The following NECTIN3 variants were observed in gnomAD, a reference collection of about 807,000 sequenced individuals.
NECTIN3 encodes the protein nectin cell adhesion molecule 3.
A neutral mutation model predicts 49.4 loss-of-function variants in NECTIN3; 8 were observed. The observed-to-expected ratio is 0.16, with a 90% CI of 0.10 to 0.29. The LOEUF (loss-of-function observed/expected upper bound fraction) is 0.29, where lower values mean the gene tolerates loss of function less well. Ranked by LOEUF, NECTIN3 falls within the 10% of genes least tolerant of loss-of-function variation. NECTIN3 has a pLI of 1.00. For missense variants in NECTIN3, 581 were observed against 654.6 expected, an observed-to-expected ratio of 0.89 and a Z score of 1.23; for synonymous variants, 277 against 241.1, an observed-to-expected ratio of 1.15 and a Z score of -1.38.
At chr3:111,084,137 T>C (rs1221682520) in intron 1 of NECTIN3, among the ~76,000 whole-genome samples, 5 of 151,904 alleles carry the variant, frequency 3.3e-5, no homozygotes, top group African/African-American at 1.2e-4. Flanking sequence ...TTCTACTAAA[T>C]AGGGAAAAGA....
intron 7 of NECTIN3, among the ~76,000 whole-genome samples, chr3:111,168,684 C>T (rs953529737): frequency 1.3e-5 from 2 of 152,158 alleles, no homozygotes; most frequent in Admixed American, 1.3e-4. Flanking sequence ...GGACAATTCA[C>T]AAGCTGCTAT....
intron 2 of NECTIN3, among the ~76,000 whole-genome samples, chr3:111,118,146 T>A (rs1450925449): frequency 6.6e-6 from 1 of 150,740 alleles, no homozygotes; most frequent in Non-Finnish European, 1.5e-5. Flanking sequence ...ATAGGTATGC[T>A]CAGAAGAACT....
chr3:111,080,803 C>G (rs1046685357), intron 1 of NECTIN3, among the ~76,000 whole-genome samples: 4 of 151,976 alleles, frequency 2.6e-5, no homozygotes, highest in Admixed American at 1.3e-4. Context: ...CCCTCTAAAG[C>G]TTATGAACTC....
intron 5 of NECTIN3, among the ~76,000 whole-genome samples, 175 bp downstream of exon 5, chr3:111,126,510 T>C (rs1215853035): frequency 1.3e-5 from 2 of 152,300 alleles, no homozygotes; most frequent in South Asian, 2.1e-4. Context: ...GAGATAGGTA[T>C]GTAATGTGGC....
At chr3:111,073,885 A>T (rs975022712) in intron 1 of NECTIN3, among the ~76,000 whole-genome samples, 1 of 152,246 alleles carries the variant, frequency 6.6e-6, no homozygotes, top group East Asian at 1.9e-4. Context: ...TTGAAGGAAC[A>T]CATTGGTTTT....
At chr3:111,156,562 G>A (rs1441714572) in intron 7 of NECTIN3, among the ~76,000 whole-genome samples, 2 of 151,534 alleles carry the variant, frequency 1.3e-5, no homozygotes, top group Non-Finnish European at 2.9e-5. Flanking sequence ...AAAAGGATTT[G>A]TTTCGGGCAA....
chr3:111,172,409 A>T (rs978534763), intron 7 of NECTIN3, among the ~76,000 whole-genome samples: 1 of 152,164 alleles, frequency 6.6e-6, no homozygotes, highest in Non-Finnish European at 1.5e-5. Context: ...AATAAAAATA[A>T]TATCATTTCC....
intron 1 of NECTIN3, chr3:111,072,518 A>G (rs2030853072): frequency 1.3e-6 from 2 of 1,535,732 alleles, no homozygotes. Context: ...CTCGTAGGTT[A>G]AGGTGCCGGG....
chr3:111,125,489 C>T (rs1391692837), intron 4 of NECTIN3, among the ~76,000 whole-genome samples: 1 of 152,122 alleles, frequency 6.6e-6, no homozygotes, highest in Non-Finnish European at 1.5e-5. Context: ...CATAGTGGGA[C>T]TCTACATGGT....
chr3:111,143,360 A>G (rs2034796624), intron 5 of NECTIN3, among the ~76,000 whole-genome samples: 1 of 151,872 alleles, frequency 6.6e-6, no homozygotes, highest in African/African-American at 2.4e-5. Context: ...TATTGAAATG[A>G]GTGACTTGGA....
In NECTIN3 at chr3:111,133,659, A is replaced by T; in HGVS notation, c.1094A>T (p.Gln365Leu). 6.2e-7 allele frequency: 1 copy of T among 1,613,618 alleles called. No homozygotes were observed. Among genetic ancestry groups the T allele is most frequent in the Non-Finnish European group, 8.5e-7 (1 of 1,179,744 alleles). Residue 365 changes from glutamine (Q) to leucine (L), a missense_variant, in exon 6 of 6, where the codon CAG becomes CTG. This residue lies in a region of NECTIN3 where 238 missense variants were observed against 244.9 expected (regional missense o/e 0.97). Coordinates refer to ENST00000485303, the MANE Select transcript of NECTIN3 (RefSeq NM_015480.3). The part of the protein sequence containing the change: ...ISDPPTTTTL[Q>L]PTIQWHPSTA... Reference sequence around the variant, plus strand: ...GATCCTCCTACTACTACCACCCTTCAGCCTACAATTCAGTGGCATCCCTCA... The same window carrying T: ...GATCCTCCTACTACTACCACCCTTCTGCCTACAATTCAGTGGCATCCCTCA...
At chr3:111,192,953 A>G (rs182749432) in intron 1 of NECTIN3, among the ~76,000 whole-genome samples, 4 of 152,150 alleles carry the variant, frequency 2.6e-5, no homozygotes, top group Non-Finnish European at 5.9e-5. Context: ...AAAATGTGAA[A>G]CTGATCCCAG....
chr3:111,100,875 C>T (rs2032868364), intron 1 of NECTIN3, among the ~76,000 whole-genome samples: 1 of 152,026 alleles, frequency 6.6e-6, no homozygotes, highest in Non-Finnish European at 1.5e-5. Context: ...AGTTTAAGAA[C>T]TGCAATACCT....
intron 1 of NECTIN3, among the ~76,000 whole-genome samples, chr3:111,090,122 T>C (rs1296884906): frequency 6.6e-6 from 1 of 152,192 alleles, no homozygotes; most frequent in Non-Finnish European, 1.5e-5. Flanking sequence ...TCTCAATCTT[T>C]CTGTGTCCTT....
chr3:111,121,633 G>C (rs1237970472), intron 3 of NECTIN3, among the ~76,000 whole-genome samples: 1 of 152,018 alleles, frequency 6.6e-6, no homozygotes, highest in Non-Finnish European at 1.5e-5. Context: ...GTAACATAGG[G>C]AATCTAGTCA....
rs938307407 is a variant in NECTIN3, at chr3:111,072,636, T to A, written c.160+459T>A. 13 of 1,467,134 alleles carry A rather than the reference T, an allele frequency of 8.9e-6. No individual in the cohort carries two copies. The Admixed American group carries it at 2.2e-4, about 25-fold the overall frequency. 90.9% of individuals were successfully genotyped at this position (1,467,134 alleles called of 1,614,324 possible). A position where few individuals can be genotyped will look rare whatever the true frequency, so the allele number is the denominator to read the frequency against. Reference sequence around the variant, plus strand: ...GCCTCCGGGTCCACTTCTCATGGCCTTCCACCCTGGAGAAGGCACCATTTT... The same window carrying A: ...GCCTCCGGGTCCACTTCTCATGGCCATCCACCCTGGAGAAGGCACCATTTT... On this transcript the variant is annotated intron_variant, in intron 1 of 5. Coordinates refer to ENST00000485303, the MANE Select transcript of NECTIN3 (RefSeq NM_015480.3).
rs568327055 is a variant in NECTIN3, at chr3:111,076,141, C to T, written c.160+3964C>T. Among the ~76,000 whole-genome samples, 282 of 152,190 alleles carry T rather than the reference C, an allele frequency of 1.9e-3. 1 individual carries two copies. The highest frequency in any genetic ancestry group is 3.2e-3 in the Admixed American group (49 of 15,262). ...TTGTTTATGTCACTTATACTTTCAT[C>T]TATTTACAATTTAGTAATTTGGCAA... On this transcript the variant is annotated intron_variant, in intron 1 of 5. Transcript: ENST00000485303.
chr3:111,175,142 C>T (rs1319473071), intron 7 of NECTIN3, among the ~76,000 whole-genome samples: 1 of 151,810 alleles, frequency 6.6e-6, no homozygotes, highest in Non-Finnish European at 1.5e-5. Flanking sequence ...TCAAATGTTG[C>T]TCCTCTTCTC....
At chr3:111,173,740 C>T (rs1004022981) in intron 7 of NECTIN3, among the ~76,000 whole-genome samples, 2 of 152,098 alleles carry the variant, frequency 1.3e-5, no homozygotes, top group African/African-American at 4.8e-5. Flanking sequence ...CATAGACAAA[C>T]AATATCCTTT....
Sources: gnomAD v4.1 joint callset for allele counts (sites outside exome capture counted in the v4.1 genomes callset) on GRCh38, gnomAD v4.1.1 for gene constraint, gnomAD v4.1.1 regional missense constraint, MANE v1.5 for transcripts, NCBI Gene and HGNC (gene_info 2026-07-23, HGNC 2026-07-21) for gene names.